The following POLE variants were observed in gnomAD, a reference collection of about 807,000 sequenced individuals.
POLE encodes the protein DNA polymerase epsilon, catalytic subunit.
In POLE, 188 loss-of-function variants were observed where a neutral mutation model predicts 279.2. That is an observed-to-expected ratio of 0.67 (90% confidence interval 0.60 to 0.76). The LOEUF is 0.76. Among genes scored for constraint, POLE ranks in the 30% least tolerant of loss-of-function variants. The pLI is 0.00. For synonymous variants in POLE, 1,214 were observed against 1,172.5 expected (o/e 1.04, Z -0.72); for missense variants, 2,703 against 3,016.7 (o/e 0.90, Z 2.44).
Position 132,665,238 on chromosome 12 carries a change from G to C in POLE, c.2468+64C>G, listed in dbSNP as rs372342697. 110 of 1,525,310 alleles carry C rather than the reference G, an allele frequency of 7.2e-5. No individual in the cohort carries two copies. The East Asian group carries it at 2.2e-3, about 31-fold the overall frequency. The allele number at this position is 1,525,310 out of a possible 1,614,324, so 94.5% of individuals were successfully genotyped here. ...CCATGCACAGCAGCCTACACCTGAA[G>C]CTGCCCTAAACGTGGACTCATCCAT... On this transcript the variant is annotated intron_variant, in intron 21 of 48. Transcript: ENST00000320574.
rs1555229581 is a variant in POLE, at chr12:132,677,406, A to G, written c.758T>C (p.Phe253Ser). Residue 253 changes from phenylalanine to serine, a missense_variant, in exon 8 of 49, where the codon TTT becomes TCT. Physicochemically the swap from Phe to Ser is radical, Grantham distance 155. This residue lies in a region of POLE where 1,011 missense variants were observed against 1,111.7 expected (regional missense o/e 0.91). Coordinates refer to ENST00000320574, the MANE Select transcript of POLE (RefSeq NM_006231.4). ...ATCTCGGCGGGTGATTTCTACCGGA[A>G]AAGCATTTCCTCGGTATCTGACATT... ...WYNVRYRGNA[F>S]PVEITRRDDL... 2 of 1,614,176 alleles carry G rather than the reference A, an allele frequency of 1.2e-6. No homozygotes were observed. The highest frequency in any genetic ancestry group is 1.7e-6 in the Non-Finnish European group (2 of 1,180,008).
At chr12:132,658,668 A>C (rs2042604721) in intron 26 of POLE, 1 of 154,246 alleles carries the variant, frequency 6.5e-6, no homozygotes, top group Non-Finnish European at 1.4e-5. Context: ...TGCAAACATA[A>C]GGAGACCTAA....
At chr12:132,677,524 C>T (rs2136019423) in intron 7 of POLE, 54 bp downstream of exon 7, 1 of 1,612,412 alleles carries the variant, frequency 6.2e-7, no homozygotes, top group Non-Finnish European at 8.5e-7. Flanking sequence ...TAATGATCAT[C>T]TCCTGGCTGT....
Position 132,677,659 on chromosome 12 carries a change from G to C in POLE, c.639C>G (p.Asp213Glu), listed in dbSNP as rs930378312. 6.2e-7 allele frequency: 1 copy of C among 1,614,098 alleles called. No individual in the cohort carries two copies. ...GCATGTCCACAATGTTGTCCAACTG[G>C]TCAGCTATCTTCTTAGAGGTTTCCT... ...DEEETSKKIA[D>E]QLDNIVDMRE... Residue 213 changes from aspartate to glutamate, a missense_variant, in exon 7 of 49, where the codon GAC becomes GAG. Around this residue, in one of 5 missense-constraint regions of POLE, gnomAD observed 1,011 missense variants for 1,111.7 expected, o/e 0.91. Coordinates refer to ENST00000320574, the MANE Select transcript of POLE (RefSeq NM_006231.4).
chr12:132,657,727 G>C (rs1235073963), intron 27 of POLE, 141 bp downstream of exon 27: 1 of 712,242 alleles, frequency 1.4e-6, no homozygotes, highest in Non-Finnish European at 2.4e-6. Flanking sequence ...AGGTTATTAG[G>C]TGCTCACCTA....
At position 132,657,474 on chromosome 12, in the gene POLE, G is replaced by A. The variant is rs1011797354; in HGVS notation, c.3379-45C>T. 1 of 1,520,698 alleles carries A rather than the reference G, an allele frequency of 6.6e-7. No homozygotes were observed. The highest frequency in any genetic ancestry group is 9.1e-7 in the Non-Finnish European group (1 of 1,097,100). 94.2% of individuals were successfully genotyped at this position (1,520,698 alleles called of 1,614,324 possible). On this transcript the variant is annotated intron_variant, in intron 27 of 48. Coordinates refer to ENST00000320574, the MANE Select transcript of POLE (RefSeq NM_006231.4). ...GCACAGAGAACAGCAGGTGGCAGCAGCCAAGAGTGGGGCTCACTTCATGCT... is the reference window on the plus strand; with the variant it reads ...GCACAGAGAACAGCAGGTGGCAGCAACCAAGAGTGGGGCTCACTTCATGCT...
In POLE at chr12:132,635,892, C is replaced by T. The variant is rs368174082; in HGVS notation, c.5811G>A (p.Leu1937=). The T allele has an allele frequency of 1.9e-6, 3 of 1,609,506 alleles. No homozygotes were observed. Among genetic ancestry groups the T allele is most frequent in the African/African-American group, 2.7e-5 (2 of 74,796 alleles). ...GGGTGCCACACTGCAGCTCGCTTAC[C>T]AGTCCACAGTGAATACGAGATGAAA... is the stretch of plus-strand genomic sequence containing the variant. ...GKVSSRIHCG[L]QDSQKAGGAE... Residue 1937 remains leucine (L), a splice_region_variant and synonymous_variant, in exon 42 of 49, where the codon CTG becomes CTA. Transcript: ENST00000320574.
intron 1 of POLE, among the ~76,000 whole-genome samples, chr12:132,687,025 G>C (rs1425786473): frequency 6.6e-6 from 1 of 151,316 alleles, no homozygotes; most frequent in Non-Finnish European, 1.5e-5. Flanking sequence ...GGGAAAGGCC[G>C]CGCGGCCCGC....
rs952114509 is a variant in POLE, at chr12:132,625,890, G to C, written c.6532-120C>G. ...GCCTGGTGACGGGCGAGTCTCCTGA[G>C]TGCAGCTGCACGCACTCTGGCCTCC... On this transcript the variant is annotated intron_variant, in intron 46 of 48. Coordinates refer to ENST00000320574, the MANE Select transcript of POLE (RefSeq NM_006231.4). 2.9e-6 allele frequency: 4 copies of C among 1,395,330 alleles called. No individual in the cohort carries two copies. In the African/African-American group the frequency reaches 4.3e-5, roughly 15 times the overall value. 86.4% of individuals were successfully genotyped at this position (1,395,330 alleles called of 1,614,324 possible). A position where few individuals can be genotyped will look rare whatever the true frequency, so the allele number is the denominator to read the frequency against.
chr12:132,673,750 G>A (rs2042984774), intron 12 of POLE, 43 bp from the exon 13 acceptor site: 1 of 1,607,948 alleles, frequency 6.2e-7, no homozygotes, highest in Non-Finnish European at 8.5e-7. Flanking sequence ...ATTCTAACAT[G>A]CAGCCCGGGA....
intron 6 of POLE, among the ~76,000 whole-genome samples, chr12:132,678,558 C>A (rs2043106505): frequency 6.6e-6 from 1 of 152,254 alleles, no homozygotes; most frequent in South Asian, 2.1e-4. Context: ...GCCTGGGCAA[C>A]AGAGCAAGAC....
chr12:132,630,606 G>C (rs1466682720), intron 45 of POLE, among the ~76,000 whole-genome samples: 3 of 152,004 alleles, frequency 2.0e-5, no homozygotes, highest in African/African-American at 7.2e-5. Flanking sequence ...AAAAAATTGG[G>C]GGGGCGTGGT....
At chr12:132,644,161 G>A (rs1416498228) in intron 32 of POLE, among the ~76,000 whole-genome samples, 184 bp from the exon 33 acceptor site, 2 of 152,046 alleles carry the variant, frequency 1.3e-5, no homozygotes, top group African/African-American at 4.8e-5. Context: ...TAATTTTTAT[G>A]TTATTTATTT....
At chr12:132,686,758 G>T (rs934521447) in intron 1 of POLE, among the ~76,000 whole-genome samples, 4 of 151,988 alleles carry the variant, frequency 2.6e-5, no homozygotes, top group Non-Finnish European at 5.9e-5. Flanking sequence ...CAGAGGAGAC[G>T]AGGTCTCTCT....
chr12:132,642,254 GCCT>G lies in POLE; in HGVS notation c.5093_5095del (p.Glu1698del), dbSNP rs1555222471. On this transcript the variant is annotated inframe_deletion, in exon 38 of 49. Coordinates refer to ENST00000320574, the MANE Select transcript of POLE (RefSeq NM_006231.4). ...CTCCATGACAAGACAGTTGTCATCA[GCCT>G]CCTTTCCACCCAGGTCAGGGCGGGC... 9.9e-6 allele frequency: 16 copies of G among 1,611,754 alleles called. No individual in the cohort carries two copies. Among genetic ancestry groups the G allele is most frequent in the Middle Eastern group, 1.7e-4 (1 of 6,038 alleles).
In POLE at chr12:132,643,878, C is replaced by G. The variant is rs1593735965; in HGVS notation, c.4249G>C (p.Glu1417Gln). The change falls in exon 33 of 49, where the codon GAG (glutamate) becomes CAG (glutamine). Residue 1417 changes from glutamate (E) to glutamine (Q), a missense_variant. Physicochemically the swap from Glu to Gln is conservative, Grantham distance 29. Around this residue, in one of 5 missense-constraint regions of POLE, gnomAD observed 1,551 missense variants for 1,686.1 expected, o/e 0.92. Transcript: ENST00000320574. ...CCCTCGATGTCTGGCGCTGACAGCT[C>G]AGCGTTGATCTCGTTGATGTGTTCC... ...YQEHINEINA[E>Q]LSAPDIEGVY... 2 of 1,614,188 alleles carry G rather than the reference C, an allele frequency of 1.2e-6. No individual in the cohort carries two copies. The highest frequency in any genetic ancestry group is 2.2e-5 in the South Asian group (2 of 91,088).
intron 14 of POLE, 141 bp from the exon 15 acceptor site, chr12:132,672,980 G>A: frequency 2.4e-6 from 2 of 833,158 alleles, no homozygotes; most frequent in Non-Finnish European, 3.9e-6. Context: ...TGCCTCCTGT[G>A]GTTTCTTCCT....
At chr12:132,645,185 A>T (rs1182068269) in intron 32 of POLE, among the ~76,000 whole-genome samples, 1 of 51,884 alleles carries the variant, frequency 1.9e-5, no homozygotes, top group Non-Finnish European at 3.5e-5. Context: ...GGTCTGGGAG[A>T]GCTGGAGAGG....
intron 29 of POLE, among the ~76,000 whole-genome samples, chr12:132,656,465 TCTC>T (rs1329654792): frequency 6.6e-6 from 1 of 151,876 alleles, no homozygotes; most frequent in East Asian, 1.9e-4. Flanking sequence ...TTCACGCTGT[TCTC>T]CTGCCTCAGC....
Sources: gnomAD v4.1 joint callset for allele counts (sites outside exome capture counted in the v4.1 genomes callset) on GRCh38, gnomAD v4.1.1 for gene constraint, gnomAD v4.1.1 regional missense constraint, MANE v1.5 for transcripts, NCBI Gene and HGNC (gene_info 2026-07-23, HGNC 2026-07-21) for gene names.